The following TMC2 variants were observed in gnomAD, a reference collection of about 807,000 sequenced individuals.
TMC2 encodes transmembrane channel like 2.
In TMC2, 102 loss-of-function variants were observed where a neutral mutation model predicts 105.9. The observed-to-expected ratio is 0.96, with a 90% CI of 0.82 to 1.14. TMC2 has a LOEUF of 1.14. TMC2 is among the 50% of genes most tolerant of loss of function. The probability of loss-of-function intolerance (pLI) is 0.00; values close to 1 mark genes in which losing one functional copy is unlikely to be tolerated. For synonymous variants in TMC2, 402 were observed against 422.8 expected, an observed-to-expected ratio of 0.95 and a Z score of 0.60; for missense variants, 1,093 against 1,134.3, an observed-to-expected ratio of 0.96 and a Z score of 0.52.
At chr20:2,610,315 A>T (rs1329401784) in intron 11 of TMC2, 104 bp from the exon 12 acceptor site, 1 of 1,089,130 alleles carries the variant, frequency 9.2e-7, no homozygotes, top group Non-Finnish European at 1.3e-6. Context: ...GGCGCAGCAG[A>T]GGGGGCAGCA....
chr20:2,548,437 G>A (rs952837225), intron 2 of TMC2, among the ~76,000 whole-genome samples: 13 of 152,084 alleles, frequency 8.5e-5, no homozygotes, highest in South Asian at 8.3e-4. Context: ...TCGGGGGTTC[G>A]AGACGAGGCT....
rs1394847175 is a variant in TMC2, at chr20:2,641,799, T to C, written c.*448T>C. The C allele has an allele frequency of 1.2e-5, 2 of 170,412 alleles. No individual in the cohort carries two copies. Among genetic ancestry groups the C allele is most frequent in the African/African-American group, 4.8e-5 (2 of 42,076 alleles). 10.6% of individuals were successfully genotyped at this position (170,412 alleles called of 1,614,324 possible). On this transcript the variant is annotated 3_prime_UTR_variant, in exon 20 of 20. Coordinates refer to ENST00000358864, the MANE Select transcript of TMC2 (RefSeq NM_080751.3). ...TCCAGAGGAAGTGAGCTGGTTTAAA[T>C]GAAAGGTCCAGGCCAGGCACAGTGG...
At chr20:2,554,489 G>A (rs748245094) in intron 2 of TMC2, among the ~76,000 whole-genome samples, 18 of 151,948 alleles carry the variant, frequency 1.2e-4, no homozygotes, top group Non-Finnish European at 2.5e-4. Flanking sequence ...TGCTTACTTT[G>A]GATTTAATTT....
chr20:2,597,376 A>T, intron 10 of TMC2, 78 bp downstream of exon 10: 1 of 1,446,686 alleles, frequency 6.9e-7, no homozygotes, highest in Non-Finnish European at 9.5e-7. Context: ...CCCAGCTGGG[A>T]CATAGAAAAT....
At chr20:2,561,714 C>T (rs930377094) in intron 3 of TMC2, 144 bp from the exon 4 acceptor site, 148 of 1,064,302 alleles carry the variant, frequency 1.4e-4, no homozygotes, top group Non-Finnish European at 1.5e-4. Context: ...TTTTGGCCTC[C>T]GCTGCCAGGC....
chr20:2,608,122 T>TTA (rs2086407045), intron 11 of TMC2, among the ~76,000 whole-genome samples: 1 of 130,470 alleles, frequency 7.7e-6, no homozygotes, highest in African/African-American at 3.2e-5. Context: ...AAAACTGTCT[T>TTA]AAAAAAAAAA....
chr20:2,562,987 C>CA (rs2086038068), intron 4 of TMC2, among the ~76,000 whole-genome samples: 1 of 152,032 alleles, frequency 6.6e-6, no homozygotes, highest in Non-Finnish European at 1.5e-5. Flanking sequence ...CAGCAGTAGT[C>CA]ATATTACATA....
At chr20:2,615,920 T>A (rs2086477339) in intron 14 of TMC2, among the ~76,000 whole-genome samples, 2 of 152,202 alleles carry the variant, frequency 1.3e-5, no homozygotes, top group Admixed American at 1.3e-4. Context: ...ATTTTTAAAG[T>A]TTCAGCTTTG....
At chr20:2,576,029 T>C (rs1283923016) in intron 5 of TMC2, among the ~76,000 whole-genome samples, 1 of 152,216 alleles carries the variant, frequency 6.6e-6, no homozygotes, top group Non-Finnish European at 1.5e-5. Flanking sequence ...AGGAAATGTT[T>C]TCCACAAATA....
chr20:2,579,060 T>C, intron 5 of TMC2, 86 bp from the exon 6 acceptor site: 1 of 736,362 alleles, frequency 1.4e-6, no homozygotes, highest in Non-Finnish European at 2.5e-6. Flanking sequence ...TGCTGACCTG[T>C]CGGCCTCCTC....
chr20:2,629,880 CATTT>C (rs898427196), intron 17 of TMC2, among the ~76,000 whole-genome samples: 19 of 152,168 alleles, frequency 1.2e-4, no homozygotes, highest in Non-Finnish European at 1.6e-4. Context: ...CATGCTCATT[CATTT>C]ATTTATTATC....
intron 3 of TMC2, among the ~76,000 whole-genome samples, chr20:2,559,072 G>A (rs1461033792): frequency 6.6e-6 from 1 of 152,074 alleles, no homozygotes; most frequent in African/African-American, 2.4e-5. Flanking sequence ...CGGGGCGCGG[G>A]TGGAGAGGTG....
chr20:2,588,597 C>G (rs2086246578), intron 7 of TMC2, among the ~76,000 whole-genome samples: 1 of 152,070 alleles, frequency 6.6e-6, no homozygotes, highest in African/African-American at 2.4e-5. Context: ...TGGGAAAATT[C>G]TCTGCCATAA....
intron 2 of TMC2, among the ~76,000 whole-genome samples, chr20:2,544,108 G>T (rs1431244042): frequency 6.7e-6 from 1 of 148,326 alleles, no homozygotes; most frequent in Non-Finnish European, 1.5e-5. Context: ...TAGAGACGGG[G>T]TTTCACCATG....
In TMC2 at chr20:2,610,514, G is replaced by GTGGCAGC. The variant is rs2086428663; in HGVS notation, c.1513_1519dup (p.Gly507AlafsTer23). 6.2e-7 allele frequency: 1 copy of GTGGCAGC among 1,613,920 alleles called. No individual in the cohort carries two copies. The stretch of plus-strand genomic sequence containing the variant: ...ATTACCACCCACGCACTGGACTGAA[G>GTGGCAGC]TGGCAGCTGGGACGCATCTTTGCAC... On this transcript the variant is annotated frameshift_variant, in exon 12 of 20. Coordinates refer to ENST00000358864, the MANE Select transcript of TMC2 (RefSeq NM_080751.3). LOFTEE classifies it high-confidence loss of function.
chr20:2,576,908 T>TG (rs1173103001), intron 5 of TMC2, among the ~76,000 whole-genome samples: 48 of 109,238 alleles, frequency 4.4e-4, no homozygotes, highest in African/African-American at 1.8e-3. Flanking sequence ...TGGTTTTTTT[T>TG]TTTTGTTTTT....
chr20:2,612,043 G>T, intron 12 of TMC2, 148 bp from the exon 13 acceptor site: 1 of 704,686 alleles, frequency 1.4e-6, no homozygotes, highest in Non-Finnish European at 2.2e-6. Flanking sequence ...TTGAAAGCCT[G>T]AGAAGGGAAT....
At chr20:2,579,416 ATTTATTTATT>A (rs1298485493) in intron 6 of TMC2, among the ~76,000 whole-genome samples, 189 bp downstream of exon 6, 34 of 143,532 alleles carry the variant, frequency 2.4e-4, no homozygotes, top group Non-Finnish European at 3.7e-4. Flanking sequence ...TTATTTATTT[ATTTATTTATT>A]TTTATTTATT....
intron 17 of TMC2, 45 bp downstream of exon 17, chr20:2,624,441 C>A: frequency 6.3e-7 from 1 of 1,585,410 alleles, no homozygotes; most frequent in South Asian, 1.1e-5. Flanking sequence ...GAAACTTCTC[C>A]TTGAATTTGA....
Sources: gnomAD v4.1 joint callset for allele counts (sites outside exome capture counted in the v4.1 genomes callset) on GRCh38, gnomAD v4.1.1 for gene constraint, MANE v1.5 for transcripts, NCBI Gene and HGNC (gene_info 2026-07-23, HGNC 2026-07-21) for gene names.